VPS13A: variants seen among roughly 807,000 people sequenced by gnomAD.
The protein encoded by VPS13A is intermembrane lipid transfer protein VPS13A.
In VPS13A, 264 loss-of-function variants were observed where a neutral mutation model predicts 390.9. That is an observed-to-expected ratio of 0.68 (90% CI 0.61 to 0.75). The LOEUF (loss-of-function observed/expected upper bound fraction) is 0.75, where lower values mean the gene tolerates loss of function less well. VPS13A is among the 30% of genes least tolerant of loss of function. The pLI is 0.00. For synonymous variants in VPS13A, 1,231 were observed against 1,227.1 expected (o/e 1.00, Z -0.07); for missense variants, 3,409 against 3,733.9 (o/e 0.91, Z 2.27).
chr9:77,217,724 A>C (rs1400418138), intron 10 of VPS13A, among the ~76,000 whole-genome samples: 1 of 151,212 alleles, frequency 6.6e-6, no homozygotes, highest in African/African-American at 2.4e-5. Context: ...ACTTTGGTTG[A>C]TACCATATCT....
chr9:77,301,222 TTTA>T (rs1828333006), intron 33 of VPS13A, among the ~76,000 whole-genome samples: 1 of 152,172 alleles, frequency 6.6e-6, no homozygotes, highest in African/African-American at 2.4e-5. Flanking sequence ...AATACAAGTA[TTTA>T]TTATGGTGAA....
chr9:77,390,023 C>T (rs949232492), intron 68 of VPS13A: 1 of 956,900 alleles, frequency 1.0e-6, no homozygotes, highest in African/African-American at 1.8e-5. Context: ...CGTCAGCCGA[C>T]GTGGTCTTTC....
chr9:77,252,263 CAG>C lies in VPS13A; in HGVS notation c.2200_2201del (p.Ser734CysfsTer18). 6.2e-7 allele frequency: 1 copy of C among 1,613,952 alleles called. No individual in the cohort carries two copies. The highest frequency in any genetic ancestry group is 8.5e-7 in the Non-Finnish European group (1 of 1,179,876). Reference sequence around the variant, plus strand: ...ATAATTGGAGAGAAGCACGAAAACTCAGTGTATCTACCCAGCATATTTTGGTA... The same window carrying C: ...ATAATTGGAGAGAAGCACGAAAACTCTGTATCTACCCAGCATATTTTGGTA... ...GDNWREARKL[S>X]VSTQHILVPM... On this transcript the variant is annotated frameshift_variant, in exon 22 of 72. Transcript: ENST00000360280. LOFTEE classifies it high-confidence loss of function.
chr9:77,294,302 T>G (rs1827850640), intron 32 of VPS13A, among the ~76,000 whole-genome samples: 1 of 152,210 alleles, frequency 6.6e-6, no homozygotes. Context: ...GACTCCACCC[T>G]AAGGCATTTC....
At chr9:77,334,911 A>G (rs1252388776) in intron 46 of VPS13A, among the ~76,000 whole-genome samples, 1 of 152,202 alleles carries the variant, frequency 6.6e-6, no homozygotes, top group Non-Finnish European at 1.5e-5. Flanking sequence ...AAGGAAGTCT[A>G]ATTGTTTCAC....
intron 1 of VPS13A, among the ~76,000 whole-genome samples, chr9:77,181,195 A>AT (rs1198882156): frequency 2.0e-5 from 3 of 151,908 alleles, no homozygotes; most frequent in South Asian, 2.1e-4. Flanking sequence ...AATTTGGAGG[A>AT]TTTTTTAAAA....
At chr9:77,339,083 T>TG (rs1830683367) in intron 47 of VPS13A, 1 of 196,922 alleles carries the variant, frequency 5.1e-6, no homozygotes, top group African/African-American at 2.4e-5. Context: ...TGAGGGATTG[T>TG]GGAGGTAGTA....
rs140472051 is a variant in VPS13A, at chr9:77,284,342, GATAA to G, written c.3339+696_3339+699del. Among the ~76,000 whole-genome samples the G allele has an allele frequency of 7.2e-3, 1,102 of 152,202 alleles. 13 individuals carry two copies. Among genetic ancestry groups the G allele is most frequent in the Middle Eastern group, 0.02 (6 of 294 alleles). ...GAATATGTTGAGAAGAAAGGAAATA[GATAA>G]ATAGATTTTGCCAGTAATACTGTAG... On this transcript the variant is annotated intron_variant, in intron 31 of 71. Transcript: ENST00000360280.
intron 64 of VPS13A, 27 bp downstream of exon 64, chr9:77,370,359 T>A: frequency 1.2e-6 from 2 of 1,614,136 alleles, no homozygotes; most frequent in Middle Eastern, 3.3e-4. Flanking sequence ...CTACCAAGTA[T>A]TTTTGTGCTA....
chr9:77,184,541 C>A (rs1824214258), intron 1 of VPS13A, among the ~76,000 whole-genome samples: 1 of 152,164 alleles, frequency 6.6e-6, no homozygotes, highest in South Asian at 2.1e-4. Context: ...ATCGCTTGAA[C>A]ATGGGAGGCG....
rs774916151 is a variant in VPS13A at position 77,293,475 on chromosome 9, A to C, written c.3474A>C (p.Val1158=). 3.1e-6 allele frequency: 5 copies of C among 1,595,136 alleles called. No homozygotes were observed. The highest frequency in any genetic ancestry group is 4.3e-6 in the Non-Finnish European group (5 of 1,171,504). The change falls in exon 32 of 72, where the codon GTA becomes GTC. Residue 1158 remains valine, a synonymous_variant. Coordinates refer to ENST00000360280, the MANE Select transcript of VPS13A (RefSeq NM_033305.3). ...QVNLIVGCIE[V]VFVTKFLYSI... ...ATTTAATAGTTGGTTGCATTGAAGT[A>C]GTTTTTGTCACGAAATTTCTATATT...
chr9:77,309,248 G>GA (rs1445977590), intron 35 of VPS13A, among the ~76,000 whole-genome samples: 3 of 152,122 alleles, frequency 2.0e-5, no homozygotes, highest in Non-Finnish European at 4.4e-5. Context: ...TATTGAGTTG[G>GA]AATATTTGGT....
intron 53 of VPS13A, 104 bp downstream of exon 53, chr9:77,351,550 T>C: frequency 7.1e-7 from 1 of 1,411,522 alleles, no homozygotes; most frequent in Non-Finnish European, 9.9e-7. Context: ...TTTGGGAGGC[T>C]GAGGTGGGCC....
intron 33 of VPS13A, among the ~76,000 whole-genome samples, chr9:77,302,497 T>C (rs1372975807): frequency 6.8e-6 from 1 of 147,402 alleles, no homozygotes. Context: ...CTCAGCCTCC[T>C]AAGAAGCTGG....
At chr9:77,337,961 G>C (rs1455963184) in intron 47 of VPS13A, 1 of 155,142 alleles carries the variant, frequency 6.4e-6, no homozygotes, top group African/African-American at 2.4e-5. Flanking sequence ...TTTACTTTTA[G>C]AATTACCATT....
intron 1 of VPS13A, among the ~76,000 whole-genome samples, chr9:77,194,500 T>A (rs1209590468): frequency 1.3e-5 from 2 of 152,078 alleles, no homozygotes; most frequent in Non-Finnish European, 2.9e-5. Flanking sequence ...CTGGCCATGC[T>A]CCACTGCAGC....
At chr9:77,348,021 G>T (rs1221221472) in intron 52 of VPS13A, among the ~76,000 whole-genome samples, 1 of 152,146 alleles carries the variant, frequency 6.6e-6, no homozygotes, top group Non-Finnish European at 1.5e-5. Flanking sequence ...TTACACTGTT[G>T]CTGGAAGTGT....
chr9:77,376,832 C>T (rs1833105305), intron 67 of VPS13A, among the ~76,000 whole-genome samples: 1 of 152,150 alleles, frequency 6.6e-6, no homozygotes, highest in African/African-American at 2.4e-5. Context: ...GGGAATGAGA[C>T]TGAAAAGAGA....
Position 77,357,922 on chromosome 9 carries a change from T to C in VPS13A, c.7953+84T>C, listed in dbSNP as rs1475373386. 3 of 1,300,856 alleles carry C rather than the reference T, an allele frequency of 2.3e-6. No individual in the cohort carries two copies. The African/African-American group carries it at 4.5e-5, about 20-fold the overall frequency. The allele number at this position is 1,300,856 out of a possible 1,614,324, so 80.6% of individuals were successfully genotyped here. On this transcript the variant is annotated intron_variant, in intron 56 of 71. Coordinates refer to ENST00000360280, the MANE Select transcript of VPS13A (RefSeq NM_033305.3). ...AGATCTATTCCCATGGTCTGCTTTA[T>C]CTAGTATTCAGTTTCAATGTTGTGC...
Sources: allele counts gnomAD v4.1 joint callset (sites outside exome capture counted in the v4.1 genomes callset), GRCh38; gene constraint gnomAD v4.1.1; transcripts MANE v1.5; gene names NCBI Gene and HGNC (gene_info 2026-07-23, HGNC 2026-07-21).